GPHN: variants seen among roughly 807,000 people sequenced by gnomAD.
GPHN encodes the protein gephyrin.
A neutral mutation model predicts 95.5 loss-of-function variants in GPHN; 17 were observed. That is an observed-to-expected ratio of 0.18 (90% CI 0.12 to 0.27). GPHN has a LOEUF of 0.27. GPHN is among the 10% of genes least tolerant of loss of function. GPHN has a pLI of 1.00. For synonymous variants in GPHN, 320 were observed against 322.5 expected (o/e 0.99, Z 0.08); for missense variants, 660 against 978.1 (o/e 0.67, Z 4.34).
At chr14:67,524,213 G>A in the GPHN span, among the ~76,000 whole-genome samples, 1 of 152,250 alleles carries the variant, frequency 6.6e-6, no homozygotes, top group African/African-American at 2.4e-5. Context: ...TCAGCCTAGT[G>A]AGTAGCTGGG....
chr14:67,338,451 G>T, the GPHN span: 1 of 690,912 alleles, frequency 1.4e-6, no homozygotes, highest in Non-Finnish European at 2.3e-6. Context: ...ATAAATGGTT[G>T]CTAAATTATG....
At chr14:66,917,809 A>G (rs959746191) in intron 6 of GPHN, among the ~76,000 whole-genome samples, 22 of 152,330 alleles carry the variant, frequency 1.4e-4, no homozygotes, top group African/African-American at 3.1e-4. Context: ...TAAAGAAGCA[A>G]TTCCATGCTG....
chr14:67,335,183 G>C, the GPHN span: 67 of 152,334 alleles, frequency 4.4e-4, no homozygotes, highest in African/African-American at 1.4e-3. Flanking sequence ...ATCAGCAATG[G>C]TAGATAGAAA....
the GPHN span, among the ~76,000 whole-genome samples, chr14:67,640,745 T>C: frequency 6.6e-6 from 1 of 152,212 alleles, no homozygotes; most frequent in Non-Finnish European, 1.5e-5. Context: ...TCAGATTATT[T>C]AGTCCTCATC....
chr14:66,622,841 A>G (rs935944333), intron 1 of GPHN, among the ~76,000 whole-genome samples: 2 of 152,184 alleles, frequency 1.3e-5, no homozygotes, highest in Admixed American at 1.3e-4. Flanking sequence ...AAGCCATTCA[A>G]CAAATCTCTA....
the GPHN span, among the ~76,000 whole-genome samples, chr14:67,401,898 C>A: frequency 1.3e-5 from 2 of 152,030 alleles, no homozygotes; most frequent in African/African-American, 4.8e-5. Flanking sequence ...CCGAGGTGGG[C>A]GGATCACCCA....
intron 1 of GPHN, among the ~76,000 whole-genome samples, chr14:66,567,820 T>G (rs2060521923): frequency 6.6e-6 from 1 of 152,304 alleles, no homozygotes; most frequent in South Asian, 2.1e-4. Context: ...GTTAACTAGG[T>G]GTTTTTTTGA....
chr14:67,365,584 T>G, the GPHN span, among the ~76,000 whole-genome samples: 1 of 152,262 alleles, frequency 6.6e-6, no homozygotes, highest in Non-Finnish European at 1.5e-5. Flanking sequence ...CATTTTTTAC[T>G]TATTGGATGC....
chr14:67,322,365 A>C, the GPHN span, among the ~76,000 whole-genome samples: 1 of 152,048 alleles, frequency 6.6e-6, no homozygotes, highest in Non-Finnish European at 1.5e-5. Context: ...AAAACAAAAA[A>C]ACCTAATTTT....
At chr14:67,656,263 T>A in the GPHN span, 8 of 728,426 alleles carry the variant, frequency 1.1e-5, no homozygotes, top group Non-Finnish European at 1.5e-5. Flanking sequence ...AAAAAAAAAT[T>A]AATAAATAAA....
chr14:66,879,796 C>T, intron 4 of GPHN, 143 bp from the exon 5 acceptor site: 1 of 675,890 alleles, frequency 1.5e-6, no homozygotes, highest in Non-Finnish European at 2.7e-6. Flanking sequence ...GTCTGGATGC[C>T]TCAAAAAGAT....
At chr14:66,943,873 C>T (rs779598234) in intron 8 of GPHN, among the ~76,000 whole-genome samples, 18 of 152,276 alleles carry the variant, frequency 1.2e-4, no homozygotes, top group Admixed American at 2.6e-4. Context: ...CATGCAGCTT[C>T]TAAAACCTAA....
chr14:67,091,809 A>G (rs2077158129), intron 12 of GPHN, among the ~76,000 whole-genome samples: 1 of 151,300 alleles, frequency 6.6e-6, no homozygotes, highest in Non-Finnish European at 1.5e-5. Context: ...ACCATTTAGT[A>G]TCCTATTTAT....
At chr14:67,522,042 A>C in the GPHN span, among the ~76,000 whole-genome samples, 1 of 152,100 alleles carries the variant, frequency 6.6e-6, no homozygotes, top group Non-Finnish European at 1.5e-5. Flanking sequence ...GGCATGGTGG[A>C]GCGTGCCTGT....
intron 1 of GPHN, among the ~76,000 whole-genome samples, chr14:66,675,366 G>A (rs962273917): frequency 1.3e-5 from 2 of 151,918 alleles, no homozygotes; most frequent in African/African-American, 2.4e-5. Context: ...GGATGGTCTC[G>A]ATCTCTTGAC....
chr14:66,655,974 TA>T (rs1312003993), intron 1 of GPHN, among the ~76,000 whole-genome samples: 1 of 152,156 alleles, frequency 6.6e-6, no homozygotes, highest in Non-Finnish European at 1.5e-5. Flanking sequence ...TAGTTCTTTT[TA>T]TATGTAATTC....
the GPHN span, chr14:67,587,315 T>A: frequency 5.3e-6 from 8 of 1,520,304 alleles, no homozygotes; most frequent in Non-Finnish European, 1.8e-6. Flanking sequence ...GATACTACTG[T>A]GACGGGTCTA....
chr14:67,599,970 T>C, the GPHN span: 2 of 1,459,424 alleles, frequency 1.4e-6, no homozygotes, highest in Non-Finnish European at 1.8e-6. Context: ...CCAAAGACCC[T>C]CCCAAAGCCG....
chr14:67,082,246 C>T (rs1254263519), intron 11 of GPHN, among the ~76,000 whole-genome samples: 1 of 152,064 alleles, frequency 6.6e-6, no homozygotes, highest in Non-Finnish European at 1.5e-5. Flanking sequence ...GGATGTGTTT[C>T]CATTTGTTTG....
Sources: allele counts gnomAD v4.1 joint callset (sites outside exome capture counted in the v4.1 genomes callset), GRCh38; gene constraint gnomAD v4.1.1; transcripts MANE v1.5; gene names NCBI Gene and HGNC (gene_info 2026-07-23, HGNC 2026-07-21).